Variants in MAST4 observed in about 807,000 individuals in gnomAD.
MAST4 encodes the protein microtubule-associated serine/threonine-protein kinase 4.
In MAST4, 89 loss-of-function variants were observed where a neutral mutation model predicts 162.7. That is an observed-to-expected ratio of 0.55 (90% confidence interval 0.46 to 0.65). MAST4 has a LOEUF of 0.65. Ranked by LOEUF, MAST4 falls within the 30% of genes least tolerant of loss-of-function variation. MAST4 has a pLI of 0.00. For missense variants in MAST4, 3,153 were observed against 3,374.0 expected, an observed-to-expected ratio of 0.93 and a Z score of 1.62; for synonymous variants, 1,479 against 1,361.1, an observed-to-expected ratio of 1.09 and a Z score of -1.91.
At chr5:66,640,549 C>G (rs1310929659) in intron 1 of MAST4, among the ~76,000 whole-genome samples, 2 of 152,164 alleles carry the variant, frequency 1.3e-5, no homozygotes, top group Non-Finnish European at 2.9e-5. Context: ...ACCTTGTGAT[C>G]CGCCTGCCTC....
At chr5:66,866,901 T>C (rs961462220) in intron 3 of MAST4, among the ~76,000 whole-genome samples, 20 of 149,336 alleles carry the variant, frequency 1.3e-4, no homozygotes, top group African/African-American at 4.9e-4. Flanking sequence ...AGGCGTGGGC[T>C]ACCACGGCAG....
chr5:66,903,817 G>A (rs1050997152), intron 4 of MAST4, among the ~76,000 whole-genome samples: 7 of 152,048 alleles, frequency 4.6e-5, no homozygotes, highest in African/African-American at 1.7e-4. Context: ...TACATAGTGC[G>A]GACATTTGTG....
intron 16 of MAST4, 104 bp from the exon 17 acceptor site, chr5:67,133,410 C>T: frequency 6.4e-6 from 8 of 1,255,808 alleles, no homozygotes; most frequent in Admixed American, 4.1e-5. Context: ...GCTTGATGCC[C>T]ATATATTAAA....
intron 12 of MAST4, among the ~76,000 whole-genome samples, chr5:67,117,606 T>C (rs1303362717): frequency 6.6e-6 from 1 of 151,900 alleles, no homozygotes; most frequent in Non-Finnish European, 1.5e-5. Context: ...AACTAAAAAC[T>C]ATGACTTTTA....
chr5:66,642,301 G>C (rs1363244814), intron 1 of MAST4, among the ~76,000 whole-genome samples: 2 of 152,184 alleles, frequency 1.3e-5, no homozygotes, highest in Non-Finnish European at 2.9e-5. Context: ...ACAAATTATA[G>C]AGTTTCTTCA....
chr5:67,069,847 A>G (rs1760719601), intron 5 of MAST4, among the ~76,000 whole-genome samples: 1 of 151,060 alleles, frequency 6.6e-6, no homozygotes, highest in Admixed American at 6.6e-5. Context: ...CAGTGTCTGA[A>G]GGAATGAACG....
intron 4 of MAST4, among the ~76,000 whole-genome samples, chr5:67,000,170 A>G (rs1377341014): frequency 6.6e-6 from 1 of 152,152 alleles, no homozygotes; most frequent in Non-Finnish European, 1.5e-5. Context: ...GGAACTAGTC[A>G]CTTCTAGGTG....
rs541733520 is a variant in MAST4 at position 66,872,245 on chromosome 5, C to T, written c.643-27706C>T. On this transcript the variant is annotated intron_variant, in intron 3 of 28. Transcript: ENST00000403625. The stretch of plus-strand genomic sequence containing the variant: ...AGTGCAGTGGCGTGATCTCGGCTCA[C>T]TGCAACCTCCACCTCCTGGGTTCAA... Among the ~76,000 whole-genome samples, 29 of 152,158 alleles carry T rather than the reference C, an allele frequency of 1.9e-4. 1 individual carries two copies. Among genetic ancestry groups the T allele is most frequent in the Non-Finnish European group, 3.7e-4 (25 of 68,034 alleles).
chr5:66,743,836 A>G (rs1054310085), intron 1 of MAST4, among the ~76,000 whole-genome samples: 11 of 152,136 alleles, frequency 7.2e-5, no homozygotes, highest in African/African-American at 2.4e-4. Context: ...TTATTAATAG[A>G]TATTTATTAC....
intron 1 of MAST4, among the ~76,000 whole-genome samples, chr5:66,751,161 A>G (rs1288731083): frequency 2.0e-5 from 3 of 152,108 alleles, no homozygotes; most frequent in Admixed American, 6.5e-5. Flanking sequence ...ACCATCATCA[A>G]AGACCAAAAG....
At chr5:66,795,909 CAG>C (rs922712021) in intron 3 of MAST4, among the ~76,000 whole-genome samples, 36 of 152,294 alleles carry the variant, frequency 2.4e-4, no homozygotes, top group Admixed American at 2.1e-3. Flanking sequence ...ACATTATAAT[CAG>C]AGTCTCTGGA....
intron 1 of MAST4, among the ~76,000 whole-genome samples, chr5:66,620,118 A>G (rs1743981122): frequency 6.8e-6 from 1 of 147,240 alleles, no homozygotes; most frequent in Admixed American, 7.0e-5. Context: ...CCTGGTTATT[A>G]TAGTTCGCTG....
chr5:66,915,120 C>T (rs899300249), intron 4 of MAST4, among the ~76,000 whole-genome samples: 3 of 151,780 alleles, frequency 2.0e-5, no homozygotes, highest in Admixed American at 6.6e-5. Context: ...AAAAATTAGC[C>T]GGGCATGGGG....
chr5:67,112,302 A>G (rs1160583576), intron 11 of MAST4, among the ~76,000 whole-genome samples: 1 of 152,174 alleles, frequency 6.6e-6, no homozygotes, highest in Non-Finnish European at 1.5e-5. Flanking sequence ...CATGATTCTG[A>G]CACCAGTTAT....
chr5:66,911,306 C>CTA lies in MAST4; in HGVS notation c.674+11328_674+11329dup, dbSNP rs568181411. On this transcript the variant is annotated intron_variant, in intron 4 of 28. Coordinates refer to ENST00000403625, the MANE Select transcript of MAST4 (RefSeq NM_001164664.2). Reference sequence around the variant, plus strand: ...AGGAAAAAGTTTTACTGACTACAGTCTATATGTTTGATTTGCATGTGGAAT... The same window carrying CTA: ...AGGAAAAAGTTTTACTGACTACAGTCTATATATGTTTGATTTGCATGTGGAAT... Among the ~76,000 whole-genome samples the CTA allele has an allele frequency of 1.8e-4, 27 of 152,258 alleles. No individual in the cohort carries two copies. The East Asian group carries it at 4.6e-3, about 26-fold the overall frequency.
intron 1 of MAST4, among the ~76,000 whole-genome samples, chr5:66,626,748 A>G (rs1744457419): frequency 2.0e-5 from 3 of 152,246 alleles, no homozygotes; most frequent in African/African-American, 7.2e-5. Flanking sequence ...TATAAAAGGT[A>G]TAAAATCCTT....
In MAST4 at chr5:67,164,690, C is replaced by T. The variant is rs1773654974; in HGVS notation, c.5511C>T (p.Ala1837=). The T allele has an allele frequency of 1.2e-6, 2 of 1,613,998 alleles. No homozygotes were observed. Among genetic ancestry groups the T allele is most frequent in the East Asian group, 4.5e-5 (2 of 44,890 alleles). ...QSPSPSGDVR[A]SVPPVLPSSS... Reference sequence around the variant, plus strand: ...CCAGCCCAAGTGGTGACGTGAGGGCCTCTGTGCCACCAGTTCTCCCCAGCA... The same window carrying T: ...CCAGCCCAAGTGGTGACGTGAGGGCTTCTGTGCCACCAGTTCTCCCCAGCA... The change falls in exon 29 of 29, where the codon GCC becomes GCT. Residue 1837 remains alanine (A), a synonymous_variant. Coordinates refer to ENST00000403625, the MANE Select transcript of MAST4 (RefSeq NM_001164664.2). The surrounding 1 kb of genome is among the most constrained non-coding windows in gnomAD (Gnocchi z 5.3).
Position 66,624,061 on chromosome 5 carries a change from T to C in MAST4, c.363+27043T>C, listed in dbSNP as rs143679628. 4.6e-3 allele frequency among the ~76,000 whole-genome samples: 702 copies of C among 151,944 alleles called. 3 individuals carry two copies. Among genetic ancestry groups the C allele is most frequent in the African/African-American group, 0.016 (672 of 41,462 alleles). ...TAAGGAGGTGAGAGACTTGTACATT[T>C]AATTATAAAATATTGATGAAGGAAA... On this transcript the variant is annotated intron_variant, in intron 1 of 28. Coordinates refer to ENST00000403625, the MANE Select transcript of MAST4 (RefSeq NM_001164664.2).
rs543684913 is a variant in MAST4 at position 66,814,925 on chromosome 5, G to T, written c.642+26131G>T. 1.9e-4 allele frequency among the ~76,000 whole-genome samples: 29 copies of T among 152,226 alleles called. No individual in the cohort carries two copies. In the South Asian group the frequency reaches 2.1e-3, roughly 11 times the overall value. On this transcript the variant is annotated intron_variant, in intron 3 of 28. Coordinates refer to ENST00000403625, the MANE Select transcript of MAST4 (RefSeq NM_001164664.2). ...ATGCTGTTAATCTTGCTAGCATTCT[G>T]AGTATATAAAATAACGTATGGAAGA...
Sources: gnomAD v4.1 joint callset for allele counts (sites outside exome capture counted in the v4.1 genomes callset) on GRCh38, gnomAD v4.1.1 for gene constraint, Gnocchi (gnomAD v3.1) non-coding constraint, MANE v1.5 for transcripts, NCBI Gene and HGNC (gene_info 2026-07-23, HGNC 2026-07-21) for gene names.